The following LRP1B variants were observed in gnomAD, a reference collection of about 807,000 sequenced individuals.
The protein encoded by LRP1B is LDL receptor related protein 1B.
In LRP1B, 217 loss-of-function variants were observed where a neutral mutation model predicts 556.6. The observed-to-expected ratio is 0.39, with a 90% confidence interval of 0.35 to 0.44. LRP1B has a LOEUF of 0.44. Among genes scored for constraint, LRP1B ranks in the 20% least tolerant of loss-of-function variants. The pLI is 1.00. For missense variants in LRP1B, 5,053 were observed against 5,620.8 expected, an observed-to-expected ratio of 0.90 and a Z score of 3.23; for synonymous variants, 2,047 against 1,865.8, an observed-to-expected ratio of 1.10 and a Z score of -2.50.
intron 1 of LRP1B, among the ~76,000 whole-genome samples, chr2:142,028,643 A>G (rs1011274229): frequency 3.9e-5 from 6 of 152,004 alleles, no homozygotes; most frequent in Non-Finnish European, 8.8e-5. Context: ...ATTCACATAC[A>G]GATATTGTGG....
chr2:141,318,415 A>G (rs1051618577), intron 3 of LRP1B, among the ~76,000 whole-genome samples: 2 of 152,178 alleles, frequency 1.3e-5, no homozygotes, highest in African/African-American at 4.8e-5. Flanking sequence ...TTTCCTAAAG[A>G]AGTCAAATTT....
At chr2:141,077,271 A>G (rs1699811995) in intron 7 of LRP1B, among the ~76,000 whole-genome samples, 2 of 151,890 alleles carry the variant, frequency 1.3e-5, no homozygotes, top group South Asian at 4.1e-4. Context: ...AACAAAAACA[A>G]ACAAACAAAC....
At chr2:141,353,872 T>C (rs1418544830) in intron 3 of LRP1B, among the ~76,000 whole-genome samples, 1 of 152,036 alleles carries the variant, frequency 6.6e-6, no homozygotes, top group Non-Finnish European at 1.5e-5. Flanking sequence ...ATTCTAAATC[T>C]GAATATTAAG....
intron 72 of LRP1B, among the ~76,000 whole-genome samples, chr2:140,364,258 G>A (rs1490834647): frequency 6.6e-6 from 1 of 151,572 alleles, no homozygotes; most frequent in Non-Finnish European, 1.5e-5. Flanking sequence ...TGGGTGGCTT[G>A]TGAAACTATG....
At chr2:142,080,269 T>C (rs1316637461) in intron 1 of LRP1B, among the ~76,000 whole-genome samples, 1 of 152,192 alleles carries the variant, frequency 6.6e-6, no homozygotes, top group Non-Finnish European at 1.5e-5. Flanking sequence ...AAATAAAAGG[T>C]GCTATTAAGT....
rs763456145 is a variant in LRP1B, at chr2:140,274,469, C to A, written c.13097G>T (p.Gly4366Val). The stretch of plus-strand genomic sequence containing the variant: ...GTCTTTATTTATAATGCAGTGCCCC[C>A]CATGGCACCTTACACACTTGTCAAC... ...CEVDKCVRCH[G>V]GHCIINKDSE... Residue 4366 changes from glycine to valine, a missense_variant, in exon 85 of 91, where the codon GGG (glycine) becomes GTG (valine). Physicochemically the swap from Gly to Val is moderately radical, Grantham distance 109. This residue lies in a region of LRP1B where 551 missense variants were observed against 592.0 expected (regional missense o/e 0.93). Transcript: ENST00000389484. 6.2e-6 allele frequency: 10 copies of A among 1,612,580 alleles called. No homozygotes were observed. In the African/African-American group the frequency reaches 1.3e-4, roughly 22 times the overall value.
chr2:141,928,341 G>T (rs1439734465), intron 1 of LRP1B, among the ~76,000 whole-genome samples: 1 of 152,068 alleles, frequency 6.6e-6, no homozygotes, highest in Non-Finnish European at 1.5e-5. Context: ...ATGCACAGAA[G>T]TACGCAAATA....
chr2:141,551,038 C>A (rs1160264799), intron 2 of LRP1B, among the ~76,000 whole-genome samples: 1 of 151,896 alleles, frequency 6.6e-6, no homozygotes, highest in Non-Finnish European at 1.5e-5. Context: ...AAGCATATTA[C>A]AAGATATTTT....
chr2:141,997,223 A>G (rs1702517715), intron 1 of LRP1B, among the ~76,000 whole-genome samples: 1 of 151,974 alleles, frequency 6.6e-6, no homozygotes, highest in South Asian at 2.1e-4. Context: ...CCTGGGTTTA[A>G]TTTCTAAATC....
At chr2:141,945,819 C>T (rs1415797782) in intron 1 of LRP1B, among the ~76,000 whole-genome samples, 2 of 152,048 alleles carry the variant, frequency 1.3e-5, no homozygotes, top group African/African-American at 4.8e-5. Flanking sequence ...AGCCATACAC[C>T]ATATTTTAGA....
intron 1 of LRP1B, among the ~76,000 whole-genome samples, chr2:141,884,552 CT>C (rs1558939055): frequency 6.6e-6 from 1 of 152,122 alleles, no homozygotes; most frequent in Non-Finnish European, 1.5e-5. Flanking sequence ...CCCTTTTGTC[CT>C]TTCTTACCAA....
intron 35 of LRP1B, among the ~76,000 whole-genome samples, chr2:140,729,765 G>A (rs1277183556): frequency 1.4e-4 from 22 of 152,114 alleles, no homozygotes; most frequent in Non-Finnish European, 7.4e-5. Context: ...CCTATATTGG[G>A]GGTACATTGA....
intron 59 of LRP1B, among the ~76,000 whole-genome samples, chr2:140,483,613 CACATATATATATATAT>C (rs1688333880): frequency 1.3e-5 from 1 of 79,738 alleles, no homozygotes; most frequent in Non-Finnish European, 2.4e-5. Context: ...CACACACACA[CACATATATATATATAT>C]ATATATATAT....
At chr2:141,209,972 A>C (rs1250211815) in intron 6 of LRP1B, among the ~76,000 whole-genome samples, 1 of 152,152 alleles carries the variant, frequency 6.6e-6, no homozygotes, top group East Asian at 1.9e-4. Context: ...TAATGACAGA[A>C]CTAGAACCAT....
At chr2:141,548,571 G>A (rs1654256874) in intron 2 of LRP1B, among the ~76,000 whole-genome samples, 1 of 152,156 alleles carries the variant, frequency 6.6e-6, no homozygotes, top group Non-Finnish European at 1.5e-5. Flanking sequence ...ACAAAATTCA[G>A]TGAAAACTTT....
chr2:140,617,676 T>C (rs1683305964), intron 41 of LRP1B, among the ~76,000 whole-genome samples: 1 of 152,008 alleles, frequency 6.6e-6, no homozygotes, highest in African/African-American at 2.4e-5. Flanking sequence ...ATAAAGGACT[T>C]TCTATTCAGA....
At chr2:140,312,582 T>A (rs934317782) in intron 83 of LRP1B, among the ~76,000 whole-genome samples, 3 of 151,972 alleles carry the variant, frequency 2.0e-5, no homozygotes, top group Non-Finnish European at 4.4e-5. Context: ...TATTTTTCAA[T>A]AACAAATGCT....
intron 2 of LRP1B, among the ~76,000 whole-genome samples, chr2:141,649,740 T>C (rs1045122204): frequency 2.6e-5 from 4 of 152,218 alleles, no homozygotes; most frequent in African/African-American, 4.8e-5. Flanking sequence ...CTTTTAAAAA[T>C]GATACCCTAT....
chr2:141,461,348 T>C (rs1404294000), intron 3 of LRP1B, among the ~76,000 whole-genome samples: 1 of 152,138 alleles, frequency 6.6e-6, no homozygotes, highest in Non-Finnish European at 1.5e-5. Context: ...CAGATACTAC[T>C]GATGAACTTG....
Sources: gnomAD v4.1 joint callset for allele counts (sites outside exome capture counted in the v4.1 genomes callset) on GRCh38, gnomAD v4.1.1 for gene constraint, gnomAD v4.1.1 regional missense constraint, MANE v1.5 for transcripts, NCBI Gene and HGNC (gene_info 2026-07-23, HGNC 2026-07-21) for gene names.